The following UPF2 variants were observed in gnomAD, a reference collection of about 807,000 sequenced individuals.
UPF2 encodes UPF2 regulator of nonsense mediated mRNA decay.
A neutral mutation model predicts 141.4 loss-of-function variants in UPF2; 17 were observed. The ratio of observed to expected loss-of-function variants is 0.12; its 90% confidence interval spans 0.08 to 0.18. UPF2 has a LOEUF of 0.18. UPF2 is among the 10% of genes least tolerant of loss of function. The pLI, the probability that UPF2 is intolerant of heterozygous loss-of-function variation, is 1.00. For missense variants in UPF2, 1,152 were observed against 1,515.9 expected, an observed-to-expected ratio of 0.76 and a Z score of 3.99; for synonymous variants, 540 against 498.0, an observed-to-expected ratio of 1.08 and a Z score of -1.12.
At chr10:12,039,795 T>C (rs1834703326) in intron 1 of UPF2, among the ~76,000 whole-genome samples, 1 of 151,988 alleles carries the variant, frequency 6.6e-6, no homozygotes, top group Non-Finnish European at 1.5e-5. Context: ...TAATTTTGTA[T>C]TTTTAGTAGA....
rs1208785512 is a variant in UPF2, at chr10:11,979,748, T to G, written c.1845-583A>C. Reference sequence around the variant, plus strand: ...GGTGAAACCCCGTCTCTACTAAAAATAAAAAAATTAGACAGGTATGGTGGC... The same window carrying G: ...GGTGAAACCCCGTCTCTACTAAAAAGAAAAAAATTAGACAGGTATGGTGGC... On this transcript the variant is annotated intron_variant, in intron 8 of 21. Coordinates refer to ENST00000357604, the MANE Select transcript of UPF2 (RefSeq NM_015542.4). This position sits in a 1 kb window ranked among gnomAD's most constrained non-coding sequence, Gnocchi z 6.2. 6.6e-6 allele frequency among the ~76,000 whole-genome samples: 1 copy of G among 151,904 alleles called. No homozygotes were observed. The highest frequency in any genetic ancestry group is 1.5e-5 in the Non-Finnish European group (1 of 67,978).
chr10:12,001,581 AAT>A (rs1284901247), intron 6 of UPF2, 93 bp downstream of exon 6: 1 of 1,241,592 alleles, frequency 8.1e-7, no homozygotes, highest in African/African-American at 1.5e-5. Context: ...GGAATTAAAA[AAT>A]ACAGAATTAA....
rs146046143 is a variant in UPF2, at chr10:11,942,731, A to C, written c.3312T>G (p.His1104Gln). 6.2e-7 allele frequency: 1 copy of C among 1,614,042 alleles called. No homozygotes were observed. The highest frequency in any genetic ancestry group is 1.1e-5 in the South Asian group (1 of 91,080). Residue 1104 changes from histidine (H) to glutamine (Q), a missense_variant, in exon 18 of 22, where the codon CAT becomes CAG. This residue lies in a region of UPF2 where 202 missense variants were observed against 223.6 expected (regional missense o/e 0.90). Transcript: ENST00000357604. Reference protein sequence around the residue: ...EVMIKGGGLKHVPCVEDEDFI... With the variant: ...EVMIKGGGLKQVPCVEDEDFI... The stretch of plus-strand genomic sequence containing the variant: ...AGTCCTCATCTTCTACACAAGGTAC[A>C]TGCTTAAGTCCACCGCCTTTAATCA...
intron 3 of UPF2, among the ~76,000 whole-genome samples, chr10:12,020,012 AC>A (rs1292228091): frequency 6.6e-6 from 1 of 152,186 alleles, no homozygotes; most frequent in Admixed American, 6.5e-5. Flanking sequence ...GGCATGAGCC[AC>A]CACGCCCAGT....
At chr10:11,968,074 G>T (rs572309355) in intron 9 of UPF2, among the ~76,000 whole-genome samples, 1 of 152,090 alleles carries the variant, frequency 6.6e-6, no homozygotes, top group African/African-American at 2.4e-5. Context: ...ACCTACTTGG[G>T]AAGCTGAGGC....
At chr10:12,038,724 G>C (rs1055645601) in intron 1 of UPF2, among the ~76,000 whole-genome samples, 1 of 151,392 alleles carries the variant, frequency 6.6e-6, no homozygotes, top group Non-Finnish European at 1.5e-5. Flanking sequence ...CGGAGACTCC[G>C]TCTCAAAAAT....
At chr10:11,964,520 T>C (rs1343326871) in intron 10 of UPF2, among the ~76,000 whole-genome samples, 1 of 152,214 alleles carries the variant, frequency 6.6e-6, no homozygotes, top group African/African-American at 2.4e-5. Flanking sequence ...AACCTATCAC[T>C]AGGACATTTT....
At chr10:11,988,879 G>A (rs1473181696) in intron 8 of UPF2, among the ~76,000 whole-genome samples, 1 of 152,204 alleles carries the variant, frequency 6.6e-6, no homozygotes, top group Non-Finnish European at 1.5e-5. Flanking sequence ...AGAGAAAGCT[G>A]TGTGAATATA....
intron 11 of UPF2, among the ~76,000 whole-genome samples, chr10:11,961,217 AAGACAG>A (rs1321518544): frequency 1.3e-5 from 2 of 152,182 alleles, no homozygotes; most frequent in Non-Finnish European, 2.9e-5. Context: ...CTTGTGTCAG[AAGACAG>A]AATAAAATCA....
chr10:11,974,502 T>C (rs1166614050), intron 9 of UPF2, among the ~76,000 whole-genome samples: 2 of 152,214 alleles, frequency 1.3e-5, no homozygotes, highest in East Asian at 3.8e-4. Context: ...CAGTATGATA[T>C]TGGCTGTGGG....
intron 10 of UPF2, among the ~76,000 whole-genome samples, chr10:11,965,815 T>C (rs1423259453): frequency 6.6e-6 from 1 of 152,148 alleles, no homozygotes; most frequent in Non-Finnish European, 1.5e-5. Context: ...AACTGTTTAA[T>C]TTTGTTTACC....
intron 1 of UPF2, among the ~76,000 whole-genome samples, chr10:12,037,478 C>T (rs1268642786): frequency 6.6e-6 from 1 of 151,226 alleles, no homozygotes; most frequent in Non-Finnish European, 1.5e-5. Flanking sequence ...TCACTGCAAC[C>T]TCCACCTTCC....
chr10:11,922,967 G>A (rs1832664603), intron 21 of UPF2, among the ~76,000 whole-genome samples: 1 of 152,152 alleles, frequency 6.6e-6, no homozygotes, highest in Non-Finnish European at 1.5e-5. Context: ...CCAGGAGGTC[G>A]AGGCTGCGGT....
At position 11,967,346 on chromosome 10, in the gene UPF2, A is replaced by C. The variant is rs923007307; in HGVS notation, c.2062T>G (p.Leu688Val). Residue 688 changes from leucine (L) to valine (V), a missense_variant, in exon 10 of 22, where the codon TTA becomes GTA. Leu to Val is a conservative substitution (Grantham distance 32, BLOSUM62 1). Coordinates refer to ENST00000357604, the MANE Select transcript of UPF2 (RefSeq NM_015542.4). Reference sequence around the variant, plus strand: ...TCAACTAATTCAGCACTAACCTTTAAACAATGCAGTGTGTCATTTTTGGTG... The same window carrying C: ...TCAACTAATTCAGCACTAACCTTTACACAATGCAGTGTGTCATTTTTGGTG... The part of the protein sequence containing the change: ...MFTKNDTLHC[L>V]KMLLSDFSHH... 18 of 1,555,106 alleles carry C rather than the reference A, an allele frequency of 1.2e-5. No individual in the cohort carries two copies. Among genetic ancestry groups the C allele is most frequent in the Non-Finnish European group, 1.5e-5 (17 of 1,154,238 alleles).
Position 12,001,554 on chromosome 10 carries a change from AAAC to A in UPF2, c.1654+119_1654+121del, listed in dbSNP as rs1833952705. 7 of 1,006,254 alleles carry A rather than the reference AAAC, an allele frequency of 7.0e-6. No individual in the cohort carries two copies. In the Admixed American group the frequency reaches 1.3e-4, roughly 19 times the overall value. 62.3% of individuals were successfully genotyped at this position (1,006,254 alleles called of 1,614,324 possible). A position where few individuals can be genotyped will look rare whatever the true frequency, so the allele number is the denominator to read the frequency against. On this transcript the variant is annotated intron_variant, in intron 6 of 21. Coordinates refer to ENST00000357604, the MANE Select transcript of UPF2 (RefSeq NM_015542.4). ...AATTCTGAAAACAGTGATGGACTGA[AAAC>A]AACAGAAAAACAAGGAATTAAAAAA...
At chr10:12,034,736 C>T (rs113295235) in intron 2 of UPF2, among the ~76,000 whole-genome samples, 8,286 of 152,080 alleles carry the variant, frequency 0.054, 288 homozygotes, top group Non-Finnish European at 0.08. Flanking sequence ...ACCCAGGAGG[C>T]GGAGGTTGGA....
Position 11,935,695 on chromosome 10 carries a change from C to T in UPF2, c.3546+850G>A, listed in dbSNP as rs912843749. Among the ~76,000 whole-genome samples the T allele has an allele frequency of 2.6e-5, 4 of 152,212 alleles. No homozygotes were observed. Among genetic ancestry groups the T allele is most frequent in the Non-Finnish European group, 4.4e-5 (3 of 68,042 alleles). ...AAATATGTGCGTTTGTCTCTCTGCTCTCTCAGTAGGAGATAAGTTCCACAA... is the reference window on the plus strand; with the variant it reads ...AAATATGTGCGTTTGTCTCTCTGCTTTCTCAGTAGGAGATAAGTTCCACAA... On this transcript the variant is annotated intron_variant, in intron 19 of 21. Transcript: ENST00000357604. This position sits in a 1 kb window ranked among gnomAD's most constrained non-coding sequence, Gnocchi z 4.9.
Position 11,936,719 on chromosome 10 carries a change from G to T in UPF2, c.3379-7C>A, listed in dbSNP as rs746902639. 1 of 1,597,668 alleles carries T rather than the reference G, an allele frequency of 6.3e-7. No individual in the cohort carries two copies. Among genetic ancestry groups the T allele is most frequent in the African/African-American group, 1.3e-5 (1 of 74,090 alleles). On this transcript the variant is annotated splice_region_variant and splice_polypyrimidine_tract_variant and intron_variant, in intron 18 of 21. Coordinates refer to ENST00000357604, the MANE Select transcript of UPF2 (RefSeq NM_015542.4). The surrounding 1 kb of genome is among the most constrained non-coding windows in gnomAD (Gnocchi z 6.6). ...CAGATTCACCACTTCGTTGCTAAAA[G>T]AAATTAAAAAGGACATAATAAACAC...
intron 6 of UPF2, 29 bp from the exon 7 acceptor site, chr10:12,000,038 T>TAA: frequency 6.7e-6 from 9 of 1,346,554 alleles, no homozygotes; most frequent in Non-Finnish European, 6.0e-6. Flanking sequence ...TTAAATAGGT[T>TAA]AAAAAAAAAA....
Sources: allele counts gnomAD v4.1 joint callset (sites outside exome capture counted in the v4.1 genomes callset), GRCh38; gene constraint gnomAD v4.1.1; regional missense constraint gnomAD v4.1.1; non-coding constraint Gnocchi (gnomAD v3.1); transcripts MANE v1.5; gene names NCBI Gene and HGNC (gene_info 2026-07-23, HGNC 2026-07-21).